The following ADGRV1 variants were observed in gnomAD, a reference collection of about 807,000 sequenced individuals.
ADGRV1 encodes the protein adhesion G protein-coupled receptor V1.
Under a neutral mutation model 596.2 loss-of-function variants are expected in ADGRV1, and 359 were observed. That is an observed-to-expected ratio of 0.60 (90% confidence interval 0.55 to 0.66). The LOEUF (loss-of-function observed/expected upper bound fraction) is 0.66, where lower values mean the gene tolerates loss of function less well. Ranked by LOEUF, ADGRV1 falls within the 30% of genes least tolerant of loss-of-function variation. The pLI is 0.00. For synonymous variants in ADGRV1, 2,681 were observed against 2,679.2 expected (o/e 1.00, Z -0.02); for missense variants, 7,274 against 7,575.6 (o/e 0.96, Z 1.48).
At position 90,816,131 on chromosome 5, in the gene ADGRV1, A is replaced by G. The variant is rs1021548988; in HGVS notation, c.16196+395A>G. On this transcript the variant is annotated intron_variant, in intron 75 of 89. Transcript: ENST00000405460. ...TCACATACACGTGCTTGGTATGCAC[A>G]CATGCACATGTGTATATATTACATT... 2.0e-5 allele frequency among the ~76,000 whole-genome samples: 3 copies of G among 152,156 alleles called. 1 individual carries two copies. The South Asian group carries it at 6.2e-4, about 31-fold the overall frequency.
intron 85 of ADGRV1, among the ~76,000 whole-genome samples, chr5:91,051,896 T>C (rs1173720127): frequency 6.6e-6 from 1 of 152,164 alleles, no homozygotes; most frequent in Non-Finnish European, 1.5e-5. Context: ...TCATTAACAA[T>C]TCACCTTATG....
intron 85 of ADGRV1, among the ~76,000 whole-genome samples, chr5:91,000,990 A>T (rs1411440701): frequency 1.3e-5 from 2 of 152,134 alleles, no homozygotes; most frequent in East Asian, 3.8e-4. Flanking sequence ...ACCAATTTTA[A>T]TGTTAATCTC....
At chr5:90,712,473 G>C in intron 42 of ADGRV1, 45 bp downstream of exon 42, 1 of 1,423,344 alleles carries the variant, frequency 7.0e-7, no homozygotes, top group South Asian at 1.4e-5. Flanking sequence ...CTTCATGCTG[G>C]GTTCCTTAAT....
At chr5:90,723,840 G>T (rs907402134) in intron 45 of ADGRV1, among the ~76,000 whole-genome samples, 2 of 152,050 alleles carry the variant, frequency 1.3e-5, no homozygotes, top group African/African-American at 4.8e-5. Flanking sequence ...TTAATGTTTT[G>T]GAGGGAAGCA....
At chr5:91,042,087 A>G (rs1260734336) in intron 85 of ADGRV1, among the ~76,000 whole-genome samples, 1 of 152,134 alleles carries the variant, frequency 6.6e-6, no homozygotes, top group East Asian at 1.9e-4. Context: ...GATCTAATTA[A>G]TCCATTCACC....
intron 86 of ADGRV1, among the ~76,000 whole-genome samples, chr5:91,078,773 C>T (rs1789070153): frequency 6.6e-6 from 1 of 152,198 alleles, no homozygotes; most frequent in Non-Finnish European, 1.5e-5. Context: ...TTGTAGGTTC[C>T]ATCCCCAATG....
chr5:91,013,220 T>C (rs941256964), intron 85 of ADGRV1, among the ~76,000 whole-genome samples: 2 of 152,072 alleles, frequency 1.3e-5, no homozygotes, highest in Non-Finnish European at 2.9e-5. Context: ...TAGAATGATT[T>C]CTATTCCTAT....
intron 85 of ADGRV1, among the ~76,000 whole-genome samples, chr5:91,009,977 C>T (rs1477266774): frequency 6.7e-6 from 1 of 149,888 alleles, no homozygotes; most frequent in African/African-American, 2.5e-5. Flanking sequence ...TTTTGAGTTC[C>T]ATTAAGGCAT....
At chr5:90,818,352 A>G (rs943338522) in intron 75 of ADGRV1, among the ~76,000 whole-genome samples, 5 of 150,494 alleles carry the variant, frequency 3.3e-5, no homozygotes, top group African/African-American at 1.2e-4. Flanking sequence ...CAATCATGTC[A>G]TCTGCAAACA....
At chr5:91,037,248 A>G (rs1485884239) in intron 85 of ADGRV1, among the ~76,000 whole-genome samples, 1 of 152,226 alleles carries the variant, frequency 6.6e-6, no homozygotes, top group Non-Finnish European at 1.5e-5. Flanking sequence ...TTATCTTTTC[A>G]GTAGAAGGAC....
intron 83 of ADGRV1, among the ~76,000 whole-genome samples, chr5:90,896,943 CCA>C (rs1771385762): frequency 6.6e-6 from 1 of 152,112 alleles, no homozygotes; most frequent in African/African-American, 2.4e-5. Context: ...GGGGGCTGAC[CCA>C]CAGAGTGTAG....
chr5:91,139,076 G>T (rs1172006786), intron 87 of ADGRV1, among the ~76,000 whole-genome samples: 1 of 152,112 alleles, frequency 6.6e-6, no homozygotes, highest in East Asian at 1.9e-4. Flanking sequence ...CACTGTATTG[G>T]TAAACTTCTT....
chr5:91,104,886 G>T (rs1440184899), intron 87 of ADGRV1, among the ~76,000 whole-genome samples: 3 of 125,996 alleles, frequency 2.4e-5, no homozygotes, highest in Non-Finnish European at 3.2e-5. Flanking sequence ...TTGAGACAGA[G>T]TCTCACTCTG....
At chr5:90,628,210 A>AC (rs1765043026) in intron 7 of ADGRV1, among the ~76,000 whole-genome samples, 1 of 68,164 alleles carries the variant, frequency 1.5e-5, no homozygotes, top group African/African-American at 9.3e-5. Context: ...ACAAAGTGAG[A>AC]CCCCGCCCAC....
chr5:91,097,377 T>A (rs1790964402), intron 86 of ADGRV1, among the ~76,000 whole-genome samples: 1 of 152,226 alleles, frequency 6.6e-6, no homozygotes, highest in Non-Finnish European at 1.5e-5. Flanking sequence ...GTGATTAGGT[T>A]TCAACATATA....
At chr5:90,710,619 C>A (rs1450868522) in intron 39 of ADGRV1, among the ~76,000 whole-genome samples, 3 of 151,844 alleles carry the variant, frequency 2.0e-5, no homozygotes, top group Non-Finnish European at 4.4e-5. Context: ...TCTTTCTACT[C>A]CTTCCAACTG....
chr5:90,986,016 T>G (rs1223791755), intron 85 of ADGRV1, among the ~76,000 whole-genome samples: 1 of 151,466 alleles, frequency 6.6e-6, no homozygotes, highest in African/African-American at 2.4e-5. Context: ...GTCTTAGATA[T>G]TCTTATTAAA....
chr5:90,894,188 A>G (rs1271062354), intron 83 of ADGRV1, among the ~76,000 whole-genome samples: 1 of 152,164 alleles, frequency 6.6e-6, no homozygotes, highest in Admixed American at 6.5e-5. Flanking sequence ...GCCCCACCCT[A>G]TGGCACATGC....
chr5:91,044,853 T>A (rs1785656124), intron 85 of ADGRV1, among the ~76,000 whole-genome samples: 1 of 152,142 alleles, frequency 6.6e-6, no homozygotes, highest in Non-Finnish European at 1.5e-5. Flanking sequence ...CTTGAAAAGT[T>A]TATAGTCTGT....
Sources: allele counts gnomAD v4.1 joint callset (sites outside exome capture counted in the v4.1 genomes callset), GRCh38; gene constraint gnomAD v4.1.1; transcripts MANE v1.5; gene names NCBI Gene and HGNC (gene_info 2026-07-23, HGNC 2026-07-21).